FBXO28: variants seen among roughly 807,000 people sequenced by gnomAD.
FBXO28 encodes the protein F-box only protein 28.
Under a neutral mutation model 38.1 loss-of-function variants are expected in FBXO28, and 8 were observed. The ratio of observed to expected loss-of-function variants is 0.21; its 90% CI spans 0.12 to 0.38. The LOEUF (loss-of-function observed/expected upper bound fraction) is 0.38, where lower values mean the gene tolerates loss of function less well. Ranked by LOEUF, FBXO28 falls within the 10% of genes least tolerant of loss-of-function variation. FBXO28 has a pLI of 1.00. For synonymous variants in FBXO28, 168 were observed against 173.8 expected (o/e 0.97, Z 0.26); for missense variants, 345 against 460.6 (o/e 0.75, Z 2.30).
At chr1:224,132,603 C>A (rs1225205541) in intron 2 of FBXO28, among the ~76,000 whole-genome samples, 1 of 152,060 alleles carries the variant, frequency 6.6e-6, no homozygotes, top group African/African-American at 2.4e-5. Context: ...GTCAGGAGTT[C>A]AAGACCAGCC....
rs769466378 is a variant in FBXO28, at chr1:224,157,445, A to G, written c.806A>G (p.Lys269Arg). Residue 269 changes from lysine to arginine, a missense_variant, in exon 5 of 5, where the codon AAA becomes AGA. Transcript: ENST00000366862. ...QEVTKLQQQV[K>R]TNGAGVTVLR... ...GTTACCAAACTCCAGCAGCAGGTTAAAACAAATGGTGCTGGCGTGACTGTT... is the reference window on the plus strand; with the variant it reads ...GTTACCAAACTCCAGCAGCAGGTTAGAACAAATGGTGCTGGCGTGACTGTT... 1 of 1,614,262 alleles carries G rather than the reference A, an allele frequency of 6.2e-7. No homozygotes were observed. The highest frequency in any genetic ancestry group is 1.7e-5 in the Admixed American group (1 of 60,022).
At chr1:224,150,496 TTAAC>T (rs1008459231) in intron 3 of FBXO28, among the ~76,000 whole-genome samples, 8 of 152,192 alleles carry the variant, frequency 5.3e-5, no homozygotes, top group African/African-American at 1.9e-4. Flanking sequence ...TTTAATTTTA[TTAAC>T]TATTTCTTGA....
intron 3 of FBXO28, among the ~76,000 whole-genome samples, chr1:224,142,819 G>T (rs910392460): frequency 2.6e-5 from 4 of 151,894 alleles, no homozygotes; most frequent in African/African-American, 9.7e-5. Flanking sequence ...GGTGGTGCGT[G>T]CCTGTAATCC....
intron 1 of FBXO28, among the ~76,000 whole-genome samples, chr1:224,127,162 A>G (rs1289800404): frequency 8.7e-6 from 1 of 115,388 alleles, no homozygotes; most frequent in African/African-American, 3.3e-5. Flanking sequence ...GATGTAAAGT[A>G]TTTGTGTGTG....
At chr1:224,123,578 C>CT (rs902771465) in intron 1 of FBXO28, among the ~76,000 whole-genome samples, 26 of 151,044 alleles carry the variant, frequency 1.7e-4, no homozygotes, top group African/African-American at 5.8e-4. Context: ...GTGGTGGTGC[C>CT]TTTTTTTTCC....
At chr1:224,134,296 G>A in intron 3 of FBXO28, 84 bp downstream of exon 3, 1 of 1,344,590 alleles carries the variant, frequency 7.4e-7, no homozygotes, top group Non-Finnish European at 1.0e-6. Context: ...TTTTAGAAAT[G>A]TTAGAATTGT....
chr1:224,129,264 T>C (rs1350009517), intron 1 of FBXO28, among the ~76,000 whole-genome samples: 2 of 152,020 alleles, frequency 1.3e-5, no homozygotes, highest in African/African-American at 4.8e-5. Context: ...CACTTGAACC[T>C]GGGAGGCACA....
chr1:224,136,034 AAAAACAAACAAATAATGTT>A (rs1293449169), intron 3 of FBXO28, among the ~76,000 whole-genome samples: 9 of 151,866 alleles, frequency 5.9e-5, no homozygotes, highest in African/African-American at 2.2e-4. Context: ...ACTCTATCTC[AAAAACAAACAAATAATGTT>A]AAATCCACTG....
At position 224,158,085 on chromosome 1, in the gene FBXO28, A is replaced by G. The variant is rs1488704629; in HGVS notation, c.*339A>G. 1 of 1,018,322 alleles carries G rather than the reference A, an allele frequency of 9.8e-7. No homozygotes were observed. Among genetic ancestry groups the G allele is most frequent in the African/African-American group, 1.7e-5 (1 of 58,550 alleles). The allele number at this position is 1,018,322 out of a possible 1,614,324, so 63.1% of individuals were successfully genotyped here. ...CGTAAGGATCTTAAACCCAGTCTTG[A>G]CAGACTAGAAGTTAAGTTTAATACA... On this transcript the variant is annotated 3_prime_UTR_variant, in exon 5 of 5. Coordinates refer to ENST00000366862, the MANE Select transcript of FBXO28 (RefSeq NM_015176.4).
At chr1:224,119,174 C>A (rs1215745937) in intron 1 of FBXO28, among the ~76,000 whole-genome samples, 2 of 126,534 alleles carry the variant, frequency 1.6e-5, no homozygotes, top group Non-Finnish European at 3.2e-5. Flanking sequence ...CGCTCTGTCG[C>A]CCAGGCTGGA....
In FBXO28 at chr1:224,157,667, A is replaced by G; in HGVS notation, c.1028A>G (p.Glu343Gly). Residue 343 changes from glutamate (E) to glycine (G), a missense_variant, in exon 5 of 5, where the codon GAG becomes GGG. Around this residue, in one of 6 missense-constraint regions of FBXO28, gnomAD observed 151 missense variants for 188.3 expected, o/e 0.80. Transcript: ENST00000366862. ...TCCTCAGGGTCCGGGCAGAATGAGG[A>G]GTCTCCTCGGAAACGAAAAAAGGCC... ...GNSSGSGQNE[E>G]SPRKRKKATE... 1 of 1,614,242 alleles carries G rather than the reference A, an allele frequency of 6.2e-7. No individual in the cohort carries two copies. The highest frequency in any genetic ancestry group is 8.5e-7 in the Non-Finnish European group (1 of 1,180,042).
Position 224,153,225 on chromosome 1 carries a change from A to G in FBXO28, c.600A>G (p.Leu200=). 3 of 1,611,916 alleles carry G rather than the reference A, an allele frequency of 1.9e-6. No homozygotes were observed. The highest frequency in any genetic ancestry group is 2.5e-6 in the Non-Finnish European group (3 of 1,179,186). The change falls in exon 4 of 5, where the codon TTA becomes TTG. Residue 200 remains leucine (L), a synonymous_variant. Transcript: ENST00000366862. ...PQRAHEVLQE[L]RDISSMAMEY... is the part of the protein sequence containing the mutation. ...GAGCTCATGAAGTACTTCAAGAATTAAGGGATATATCCTCTATGGCAATGG... is the reference window on the plus strand; with the variant it reads ...GAGCTCATGAAGTACTTCAAGAATTGAGGGATATATCCTCTATGGCAATGG...
In FBXO28 at chr1:224,144,539, C is replaced by T. The variant is rs146316068; in HGVS notation, c.517-8603C>T. On this transcript the variant is annotated intron_variant, in intron 3 of 4. Transcript: ENST00000366862. Reference sequence around the variant, plus strand: ...CTTTGGGAGGCGGAGGTGTGTGGATCACGAGGTCAAGAGATCGGGACCATC... The same window carrying T: ...CTTTGGGAGGCGGAGGTGTGTGGATTACGAGGTCAAGAGATCGGGACCATC... Among the ~76,000 whole-genome samples, 416 of 152,186 alleles carry T rather than the reference C, an allele frequency of 2.7e-3. 3 individuals carry two copies. Among genetic ancestry groups the T allele is most frequent in the African/African-American group, 9.2e-3 (380 of 41,524 alleles).
chr1:224,161,175 C>T lies in FBXO28; in HGVS notation c.*3429C>T, dbSNP rs1449123352. On this transcript the variant is annotated 3_prime_UTR_variant, in exon 5 of 5. Transcript: ENST00000366862. ...GATTCATTTCTTGAGTTCTCTGTTT[C>T]CTTAGCCATAATATTTTCTAGGATC... The T allele has an allele frequency of 6.6e-6, 1 of 152,102 alleles. No individual in the cohort carries two copies. The highest frequency in any genetic ancestry group is 2.1e-4 in the South Asian group (1 of 4,822). 9.4% of individuals were successfully genotyped at this position (152,102 alleles called of 1,614,324 possible).
chr1:224,114,189 C>A lies in FBXO28; in HGVS notation c.60C>A (p.Gly20=). ...AEEGGGGQGD[G]GSSLASGSTQ... ...AAGGAGGCGGCGGCCAAGGCGACGGCGGTTCCTCTTTGGCCTCCGGCTCTA... is the reference window on the plus strand; with the variant it reads ...AAGGAGGCGGCGGCCAAGGCGACGGAGGTTCCTCTTTGGCCTCCGGCTCTA... The change falls in exon 1 of 5, where the codon GGC becomes GGA. Residue 20 remains glycine, a synonymous_variant. Coordinates refer to ENST00000366862, the MANE Select transcript of FBXO28 (RefSeq NM_015176.4). 1 of 1,547,780 alleles carries A rather than the reference C, an allele frequency of 6.5e-7. No homozygotes were observed. The highest frequency in any genetic ancestry group is 2.4e-5 in the East Asian group (1 of 40,878).
chr1:224,119,135 CTTTTTTTTTT>C (rs67458349), intron 1 of FBXO28, among the ~76,000 whole-genome samples: 2 of 109,910 alleles, frequency 1.8e-5, no homozygotes, highest in Non-Finnish European at 3.4e-5. Flanking sequence ...TCTTTTTTTT[CTTTTTTTTTT>C]TTTTTTTTGA....
chr1:224,136,931 T>C (rs1403493383), intron 3 of FBXO28, among the ~76,000 whole-genome samples: 9 of 151,184 alleles, frequency 6.0e-5, no homozygotes, highest in Admixed American at 2.6e-4. Context: ...TTTGTATTTT[T>C]AGTAGAGACG....
intron 3 of FBXO28, among the ~76,000 whole-genome samples, chr1:224,144,843 C>G (rs770083614): frequency 3.3e-5 from 5 of 152,086 alleles, no homozygotes; most frequent in Non-Finnish European, 7.4e-5. Context: ...TTTTGCTTTA[C>G]AAACATGTAT....
chr1:224,141,470 CA>C (rs35142896), intron 3 of FBXO28, among the ~76,000 whole-genome samples: 63,892 of 126,014 alleles, frequency 0.51, 13,977 homozygotes, highest in East Asian at 0.6. Context: ...GACTGTGTCT[CA>C]AAAAAAAAAA....
Sources: allele counts gnomAD v4.1 joint callset (sites outside exome capture counted in the v4.1 genomes callset), GRCh38; gene constraint gnomAD v4.1.1; regional missense constraint gnomAD v4.1.1; transcripts MANE v1.5; gene names NCBI Gene and HGNC (gene_info 2026-07-23, HGNC 2026-07-21).